MACROD2: variants seen among roughly 807,000 people sequenced by gnomAD.
The protein encoded by MACROD2 is ADP-ribose glycohydrolase MACROD2.
A neutral mutation model predicts 70.4 loss-of-function variants in MACROD2; 36 were observed. The ratio of observed to expected loss-of-function variants is 0.51; its 90% CI spans 0.39 to 0.68. MACROD2 has a LOEUF of 0.68. Among genes scored for constraint, MACROD2 ranks in the 30% least tolerant of loss-of-function variants. The pLI, the probability that MACROD2 is intolerant of heterozygous loss-of-function variation, is 0.00. For missense variants in MACROD2, 496 were observed against 538.4 expected, an observed-to-expected ratio of 0.92 and a Z score of 0.78; for synonymous variants, 172 against 178.8, an observed-to-expected ratio of 0.96 and a Z score of 0.30.
At chr20:15,093,300 T>C (rs924100586) in intron 5 of MACROD2, among the ~76,000 whole-genome samples, 2 of 152,208 alleles carry the variant, frequency 1.3e-5, no homozygotes, top group Admixed American at 1.3e-4. Context: ...CCACGCAGAA[T>C]GGATTCCATG....
intron 6 of MACROD2, among the ~76,000 whole-genome samples, chr20:15,426,009 C>T (rs2046291705): frequency 6.6e-6 from 1 of 152,184 alleles, no homozygotes; most frequent in Non-Finnish European, 1.5e-5. Flanking sequence ...TGAAGACGGA[C>T]TTTCAAGGGA....
chr20:14,178,548 A>G (rs972309105), intron 3 of MACROD2, among the ~76,000 whole-genome samples: 2 of 152,034 alleles, frequency 1.3e-5, no homozygotes, highest in African/African-American at 4.8e-5. Flanking sequence ...AATAGGTAAG[A>G]CTCTGAAGAA....
chr20:15,791,082 T>A (rs2063620638), intron 8 of MACROD2, among the ~76,000 whole-genome samples: 1 of 151,960 alleles, frequency 6.6e-6, no homozygotes, highest in Non-Finnish European at 1.5e-5. Flanking sequence ...TCAATTCTAC[T>A]ATTATTTTTC....
intron 8 of MACROD2, among the ~76,000 whole-genome samples, chr20:15,650,095 C>A (rs1788101848): frequency 6.6e-6 from 1 of 152,118 alleles, no homozygotes. Flanking sequence ...ATGTGACTAT[C>A]AGTAGATAAA....
At chr20:15,184,403 G>T (rs950516711) in intron 5 of MACROD2, among the ~76,000 whole-genome samples, 7 of 152,144 alleles carry the variant, frequency 4.6e-5, no homozygotes, top group Admixed American at 3.3e-4. Context: ...AGTCAGAACA[G>T]GGTAGTTGCT....
chr20:14,196,029 G>A (rs1197760348), intron 3 of MACROD2, among the ~76,000 whole-genome samples: 2 of 152,138 alleles, frequency 1.3e-5, no homozygotes, highest in African/African-American at 2.4e-5. Flanking sequence ...GGCTTCAGCT[G>A]TAAACATTCA....
At chr20:14,264,895 G>GA (rs2082131203) in intron 3 of MACROD2, among the ~76,000 whole-genome samples, 2 of 152,328 alleles carry the variant, frequency 1.3e-5, no homozygotes, top group East Asian at 3.9e-4. Flanking sequence ...ACAATTGATA[G>GA]ATGAGACTGA....
chr20:15,317,865 T>G (rs975226965), intron 6 of MACROD2, among the ~76,000 whole-genome samples: 2 of 152,096 alleles, frequency 1.3e-5, no homozygotes, highest in African/African-American at 4.8e-5. Context: ...CTAATTCAAA[T>G]GTTAATCTCA....
chr20:14,941,995 C>T (rs895052577), intron 5 of MACROD2, among the ~76,000 whole-genome samples: 45 of 149,160 alleles, frequency 3.0e-4, no homozygotes, highest in African/African-American at 1.1e-3. Flanking sequence ...GGTGGGGTTT[C>T]GCCGTGTTGT....
At chr20:14,038,546 G>A (rs2053349104) in intron 2 of MACROD2, among the ~76,000 whole-genome samples, 1 of 152,152 alleles carries the variant, frequency 6.6e-6, no homozygotes, top group Non-Finnish European at 1.5e-5. Context: ...CTTTGTTAAT[G>A]CTGCCTTTTG....
At chr20:15,080,352 C>T (rs5010628) in intron 5 of MACROD2, among the ~76,000 whole-genome samples, 28,215 of 152,100 alleles carry the variant, frequency 0.19, 3,493 homozygotes, top group Non-Finnish European at 0.27. Context: ...ACCAAATACA[C>T]TGGTCAGTTT....
At chr20:15,726,873 G>T (rs924965459) in intron 8 of MACROD2, among the ~76,000 whole-genome samples, 1 of 152,050 alleles carries the variant, frequency 6.6e-6, no homozygotes, top group Non-Finnish European at 1.5e-5. Flanking sequence ...TTCTGTTTCT[G>T]TAGGTTGTCT....
intron 8 of MACROD2, among the ~76,000 whole-genome samples, chr20:15,796,527 CT>C (rs2063675664): frequency 1.3e-5 from 2 of 152,176 alleles, no homozygotes. Context: ...AATGTGCAGG[CT>C]CTAAAATCAG....
At chr20:15,048,638 C>T (rs187415745) in intron 5 of MACROD2, among the ~76,000 whole-genome samples, 25 of 152,136 alleles carry the variant, frequency 1.6e-4, no homozygotes, top group Admixed American at 4.6e-4. Flanking sequence ...ACTATAGAAA[C>T]GATTCCTGAA....
chr20:16,025,516 T>C (rs1200765682), intron 15 of MACROD2, among the ~76,000 whole-genome samples: 3 of 152,200 alleles, frequency 2.0e-5, no homozygotes, highest in Non-Finnish European at 4.4e-5. Context: ...GTTAAGATGC[T>C]TAGCACCCAG....
intron 8 of MACROD2, among the ~76,000 whole-genome samples, chr20:15,860,109 T>C (rs1336139563): frequency 6.6e-6 from 1 of 152,086 alleles, no homozygotes; most frequent in Non-Finnish European, 1.5e-5. Flanking sequence ...CCCTCCAACC[T>C]GGGCAGCAGA....
At chr20:15,094,027 C>T (rs907182038) in intron 5 of MACROD2, among the ~76,000 whole-genome samples, 2 of 152,134 alleles carry the variant, frequency 1.3e-5, no homozygotes, top group African/African-American at 4.8e-5. Context: ...TTGTCTGGTC[C>T]AATCTTTCTG....
intron 8 of MACROD2, among the ~76,000 whole-genome samples, chr20:15,706,190 G>A (rs2050529570): frequency 6.6e-6 from 1 of 152,196 alleles, no homozygotes; most frequent in African/African-American, 2.4e-5. Flanking sequence ...GCAGAATAAA[G>A]GTAGCTTGCT....
At chr20:15,713,130 G>A (rs552601931) in intron 8 of MACROD2, among the ~76,000 whole-genome samples, 5 of 152,288 alleles carry the variant, frequency 3.3e-5, no homozygotes, top group East Asian at 3.9e-4. Context: ...ACAGAAAGCC[G>A]TTCAGGCTGA....
Sources: gnomAD v4.1 joint callset for allele counts (sites outside exome capture counted in the v4.1 genomes callset) on GRCh38, gnomAD v4.1.1 for gene constraint, MANE v1.5 for transcripts, NCBI Gene and HGNC (gene_info 2026-07-23, HGNC 2026-07-21) for gene names.